FAM135A: variants seen among roughly 807,000 people sequenced by gnomAD.
FAM135A encodes the protein family with sequence similarity 135 member A.
In FAM135A, 79 loss-of-function variants were observed where a neutral mutation model predicts 146.8. The observed-to-expected ratio is 0.54, with a 90% confidence interval of 0.45 to 0.65. FAM135A has a LOEUF of 0.65. FAM135A is among the 30% of genes least tolerant of loss of function. The pLI is 0.00. For synonymous variants in FAM135A, 562 were observed against 603.6 expected (o/e 0.93, Z 1.01); for missense variants, 1,623 against 1,758.2 (o/e 0.92, Z 1.38).
chr6:70,453,596 G>A (rs1777613618), intron 5 of FAM135A, among the ~76,000 whole-genome samples: 1 of 150,636 alleles, frequency 6.6e-6, no homozygotes, highest in African/African-American at 2.5e-5. Context: ...CCCAGTGTGT[G>A]ATGTTCCCCG....
intron 2 of FAM135A, among the ~76,000 whole-genome samples, chr6:70,417,075 A>T (rs1767725579): frequency 6.6e-6 from 1 of 151,998 alleles, no homozygotes; most frequent in Non-Finnish European, 1.5e-5. Context: ...CTACTTGAGT[A>T]ACTAACCCTT....
rs994165676 is a variant in FAM135A, at chr6:70,560,447, C to T, written c.*526C>T. Reference sequence around the variant, plus strand: ...CTAAAATACAACTTTATCATACAATCAAACCAGGTAGTTCATATAAAACAG... The same window carrying T: ...CTAAAATACAACTTTATCATACAATTAAACCAGGTAGTTCATATAAAACAG... On this transcript the variant is annotated 3_prime_UTR_variant, in exon 22 of 22. Transcript: ENST00000418814. The T allele has an allele frequency of 6.5e-6, 1 of 153,078 alleles. No homozygotes were observed. Among genetic ancestry groups the T allele is most frequent in the Non-Finnish European group, 1.5e-5 (1 of 68,310 alleles). 9.5% of individuals were successfully genotyped at this position (153,078 alleles called of 1,614,324 possible). A position where few individuals can be genotyped will look rare whatever the true frequency, so the allele number is the denominator to read the frequency against.
At chr6:70,427,033 G>A (rs539624503) in intron 3 of FAM135A, among the ~76,000 whole-genome samples, 2 of 152,228 alleles carry the variant, frequency 1.3e-5, no homozygotes, top group Non-Finnish European at 2.9e-5. Context: ...TGAGAGATTT[G>A]TGAAGAATTG....
chr6:70,522,245 C>G (rs1793758607), intron 12 of FAM135A, among the ~76,000 whole-genome samples: 1 of 152,144 alleles, frequency 6.6e-6, no homozygotes, highest in Non-Finnish European at 1.5e-5. Context: ...GAACATTACA[C>G]TTTAGGAGGG....
intron 2 of FAM135A, among the ~76,000 whole-genome samples, chr6:70,418,717 C>T (rs1768085433): frequency 1.3e-5 from 2 of 152,202 alleles, no homozygotes; most frequent in Non-Finnish European, 2.9e-5. Flanking sequence ...AGGTCAGGGC[C>T]TCAGCCAATC....
intron 4 of FAM135A, among the ~76,000 whole-genome samples, chr6:70,436,978 T>A (rs934384146): frequency 1.3e-5 from 2 of 152,188 alleles, no homozygotes; most frequent in African/African-American, 4.8e-5. Flanking sequence ...ATGAGAAATG[T>A]CTATATGAAA....
chr6:70,431,586 T>C (rs930810111), intron 4 of FAM135A, among the ~76,000 whole-genome samples: 5 of 152,074 alleles, frequency 3.3e-5, no homozygotes, highest in African/African-American at 1.2e-4. Context: ...AGCCCACATT[T>C]AAAAGGTGGG....
In FAM135A at chr6:70,560,528, A is replaced by T. The variant is rs976538; in HGVS notation, c.*607A>T. ...TGTTGCTTAAACATATTTCATGCCT[A>T]TTAAAATATATTTTCTACTGGTGAT... is the stretch of plus-strand genomic sequence containing the variant. On this transcript the variant is annotated 3_prime_UTR_variant, in exon 22 of 22. Coordinates refer to ENST00000418814, the MANE Select transcript of FAM135A (RefSeq NM_001162529.3). 0.061 allele frequency: 9,289 copies of T among 152,620 alleles called. 781 individuals carry two copies. Among genetic ancestry groups the T allele is most frequent in the African/African-American group, 0.19 (8,002 of 41,500 alleles). The allele number at this position is 152,620 out of a possible 1,614,324, so 9.5% of individuals were successfully genotyped here.
chr6:70,506,943 A>G (rs955024768), intron 12 of FAM135A, among the ~76,000 whole-genome samples: 1 of 152,000 alleles, frequency 6.6e-6, no homozygotes, highest in African/African-American at 2.4e-5. Context: ...GAAGGAAGCT[A>G]TTCTGGGTGG....
At chr6:70,437,937 A>G (rs76958560) in intron 4 of FAM135A, among the ~76,000 whole-genome samples, 7,861 of 152,250 alleles carry the variant, frequency 0.052, 543 homozygotes, top group African/African-American at 0.16. Flanking sequence ...ATAAAAAGCA[A>G]GAAAAAATTT....
chr6:70,505,047 T>C (rs1379158620), intron 12 of FAM135A: 1 of 142,326 alleles, frequency 7.0e-6, no homozygotes, highest in Non-Finnish European at 1.5e-5. Flanking sequence ...TGCTTTATCA[T>C]TGCCTGTTTT....
At chr6:70,446,632 A>G (rs1270842672) in intron 4 of FAM135A, among the ~76,000 whole-genome samples, 1 of 152,242 alleles carries the variant, frequency 6.6e-6, no homozygotes, top group Non-Finnish European at 1.5e-5. Context: ...TACTGAGATC[A>G]GAAAGCATGT....
intron 12 of FAM135A, among the ~76,000 whole-genome samples, chr6:70,516,645 C>G (rs1011996826): frequency 4.7e-5 from 7 of 150,022 alleles, no homozygotes; most frequent in Non-Finnish European, 7.4e-5. Context: ...ACGCCATTCT[C>G]CATCTCAGCC....
chr6:70,459,263 T>G (rs1249734250), intron 5 of FAM135A, among the ~76,000 whole-genome samples: 1 of 152,214 alleles, frequency 6.6e-6, no homozygotes, highest in African/African-American at 2.4e-5. Context: ...CTGTATATTT[T>G]GAGAAAACTT....
In FAM135A at chr6:70,524,122, G is replaced by T; in HGVS notation, c.1258+1G>T. 1 of 1,607,272 alleles carries T rather than the reference G, an allele frequency of 6.2e-7. No homozygotes were observed. Among genetic ancestry groups the T allele is most frequent in the South Asian group, 1.1e-5 (1 of 90,362 alleles). On this transcript the variant is annotated splice_donor_variant, in intron 14 of 21. Coordinates refer to ENST00000418814, the MANE Select transcript of FAM135A (RefSeq NM_001162529.3). LOFTEE classifies it high-confidence loss of function. ...AGGTATTTAGATTCAGTTACTGAAG[G>T]TAAGTGTAATCTAACTAAAATATAC... is the stretch of plus-strand genomic sequence containing the variant.
chr6:70,526,667 T>C lies in FAM135A; in HGVS notation c.3583T>C (p.Tyr1195His). The C allele has an allele frequency of 6.2e-7, 1 of 1,603,746 alleles. No homozygotes were observed. The highest frequency in any genetic ancestry group is 8.5e-7 in the Non-Finnish European group (1 of 1,175,848). The change falls in exon 15 of 22, where the codon TAT becomes CAT. Residue 1195 changes from tyrosine to histidine, a missense_variant. Tyr to His is a moderately conservative substitution (Grantham distance 83, BLOSUM62 2). Around this residue, in one of 7 missense-constraint regions of FAM135A, gnomAD observed 1,061 missense variants for 1,113.8 expected, o/e 0.95. Coordinates refer to ENST00000418814, the MANE Select transcript of FAM135A (RefSeq NM_001162529.3). ...CAACTTCACTTCTTCGATTTCCTGG[T>C]ATGAAAGTTCACCAAAACCTCAAAT... ...SYNFTSSISWYESSPKPQIQA... is the reference protein window; with the variant it reads ...SYNFTSSISWHESSPKPQIQA...
intron 11 of FAM135A, among the ~76,000 whole-genome samples, chr6:70,502,316 T>C (rs1300227406): frequency 6.6e-6 from 1 of 152,210 alleles, no homozygotes; most frequent in Admixed American, 6.5e-5. Context: ...TCCCAGTATT[T>C]TGGTGTTAGA....
At chr6:70,464,694 C>T (rs1365191826) in intron 5 of FAM135A, among the ~76,000 whole-genome samples, 2 of 121,370 alleles carry the variant, frequency 1.6e-5, no homozygotes, top group Admixed American at 1.9e-4. Flanking sequence ...GAGACAGTCT[C>T]ACTTTGTCAC....
At position 70,560,134 on chromosome 6, in the gene FAM135A, TTTACTTTTCTA is replaced by T; in HGVS notation, c.*222_*232del. On this transcript the variant is annotated 3_prime_UTR_variant, in exon 22 of 22. Coordinates refer to ENST00000418814, the MANE Select transcript of FAM135A (RefSeq NM_001162529.3). ...TGCAATATTTTTTTAATTTTATCTT[TTTACTTTTCTA>T]TTACTTTTTCATATATTTTGCTACC... 1 of 473,154 alleles carries T rather than the reference TTTACTTTTCTA, an allele frequency of 2.1e-6. No homozygotes were observed. Among genetic ancestry groups the T allele is most frequent in the Non-Finnish European group, 3.7e-6 (1 of 270,514 alleles). The allele number at this position is 473,154 out of a possible 1,614,324, so 29.3% of individuals were successfully genotyped here.
Sources: gnomAD v4.1 joint callset for allele counts (sites outside exome capture counted in the v4.1 genomes callset) on GRCh38, gnomAD v4.1.1 for gene constraint, gnomAD v4.1.1 regional missense constraint, MANE v1.5 for transcripts, NCBI Gene and HGNC (gene_info 2026-07-23, HGNC 2026-07-21) for gene names.